NPSR1: variants seen among roughly 807,000 people sequenced by gnomAD.
NPSR1 encodes neuropeptide S receptor.
A neutral mutation model predicts 46.9 loss-of-function variants in NPSR1; 48 were observed. That is an observed-to-expected ratio of 1.02 (90% CI 0.81 to 1.30). NPSR1 has a LOEUF of 1.30. Ranked by LOEUF, NPSR1 falls within the 50% of genes most tolerant of loss-of-function variation. The probability of loss-of-function intolerance (pLI) is 0.00; values close to 1 mark genes in which losing one functional copy is unlikely to be tolerated. For missense variants in NPSR1, 450 were observed against 449.5 expected (o/e 1.00, Z -0.01); for synonymous variants, 176 against 168.1 (o/e 1.05, Z -0.36).
intron 2 of NPSR1, among the ~76,000 whole-genome samples, chr7:34,742,013 T>A (rs562740000): frequency 6.6e-6 from 1 of 152,358 alleles, no homozygotes; most frequent in Non-Finnish European, 1.5e-5. Flanking sequence ...GCAAAATCAA[T>A]TGCACCTTTT....
At chr7:34,864,790 A>G (rs974318979) in intron 8 of NPSR1, among the ~76,000 whole-genome samples, 2 of 151,894 alleles carry the variant, frequency 1.3e-5, no homozygotes, top group African/African-American at 4.9e-5. Flanking sequence ...AACAAATGTG[A>G]CTTGTGCCTA....
intron 3 of NPSR1, among the ~76,000 whole-genome samples, chr7:34,795,030 C>T (rs901242499): frequency 6.6e-6 from 1 of 151,912 alleles, no homozygotes; most frequent in Non-Finnish European, 1.5e-5. Flanking sequence ...CAGAGTGAGA[C>T]CCTATCTCTT....
At chr7:34,765,574 C>A (rs904852045) in intron 2 of NPSR1, among the ~76,000 whole-genome samples, 1 of 152,152 alleles carries the variant, frequency 6.6e-6, no homozygotes, top group African/African-American at 2.4e-5. Context: ...TGGGCATATA[C>A]CCAAACAGAA....
intron 2 of NPSR1, among the ~76,000 whole-genome samples, chr7:34,746,404 ATTG>A (rs1785204162): frequency 6.6e-6 from 1 of 152,186 alleles, no homozygotes; most frequent in Non-Finnish European, 1.5e-5. Context: ...TCAGTATATT[ATTG>A]TTGTTCATTT....
At chr7:34,782,915 G>C (rs1351596264) in intron 3 of NPSR1, among the ~76,000 whole-genome samples, 2 of 151,892 alleles carry the variant, frequency 1.3e-5, no homozygotes, top group Non-Finnish European at 2.9e-5. Context: ...CCAAAACAAA[G>C]AATTAAAGAG....
At chr7:34,732,079 C>CAAAA (rs535991989) in intron 2 of NPSR1, among the ~76,000 whole-genome samples, 1 of 93,892 alleles carries the variant, frequency 1.1e-5, no homozygotes, top group Non-Finnish European at 2.1e-5. Flanking sequence ...GACTTCATCT[C>CAAAA]AAAAAAAAAA....
chr7:34,760,498 CCA>C (rs1386299639), intron 2 of NPSR1, among the ~76,000 whole-genome samples: 1 of 152,156 alleles, frequency 6.6e-6, no homozygotes, highest in Non-Finnish European at 1.5e-5. Flanking sequence ...ATTCAAAATC[CCA>C]CAGTCGGGCT....
chr7:34,678,394 A>G (rs1274665397), intron 1 of NPSR1, among the ~76,000 whole-genome samples: 1 of 151,816 alleles, frequency 6.6e-6, no homozygotes, highest in Non-Finnish European at 1.5e-5. Context: ...GCTAATTGCA[A>G]TTTTTAAAGA....
intron 4 of NPSR1, among the ~76,000 whole-genome samples, chr7:34,821,008 C>G (rs1584094719): frequency 6.6e-6 from 1 of 151,908 alleles, no homozygotes; most frequent in African/African-American, 2.4e-5. Flanking sequence ...CCCATCATGG[C>G]TTGGAACAGC....
chr7:34,785,209 G>C (rs1324673006), intron 3 of NPSR1, among the ~76,000 whole-genome samples: 2 of 151,824 alleles, frequency 1.3e-5, no homozygotes, highest in Non-Finnish European at 2.9e-5. Context: ...CCATAAAAAA[G>C]GATGAGTTCA....
At position 34,658,277 on chromosome 7, in the gene NPSR1, A is replaced by G. The variant is rs1364545959; in HGVS notation, c.-136A>G. ...TCCCTGTCATCAGGCAGAGCTCTTCAGTGAGGTGGGCTCAGGGAGGGCTCT... is the reference window on the plus strand; with the variant it reads ...TCCCTGTCATCAGGCAGAGCTCTTCGGTGAGGTGGGCTCAGGGAGGGCTCT... On this transcript the variant is annotated 5_prime_UTR_variant, in exon 1 of 9. Coordinates refer to ENST00000360581, the MANE Select transcript of NPSR1 (RefSeq NM_207172.2). 6 of 865,812 alleles carry G rather than the reference A, an allele frequency of 6.9e-6. No individual in the cohort carries two copies. Among genetic ancestry groups the G allele is most frequent in the South Asian group, 3.4e-5 (2 of 58,760 alleles). The allele number at this position is 865,812 out of a possible 1,614,324, so 53.6% of individuals were successfully genotyped here. A position where few individuals can be genotyped will look rare whatever the true frequency, so the allele number is the denominator to read the frequency against.
At chr7:34,838,436 T>C (rs1308571970) in intron 6 of NPSR1, among the ~76,000 whole-genome samples, 1 of 152,232 alleles carries the variant, frequency 6.6e-6, no homozygotes, top group African/African-American at 2.4e-5. Flanking sequence ...GAAGCTTATA[T>C]GCTCTCTATA....
At position 34,745,471 on chromosome 7, in the gene NPSR1, T is replaced by C. The variant is rs543029895; in HGVS notation, c.281-32991T>C. Among the ~76,000 whole-genome samples the C allele has an allele frequency of 2.6e-5, 4 of 152,320 alleles. No individual in the cohort carries two copies. In the South Asian group the frequency reaches 8.3e-4, roughly 32 times the overall value. ...TATCTAGTCAATTAGAGAATTCCTC[T>C]TTCATCAAACTTGCAATTTTCTGCT... On this transcript the variant is annotated intron_variant, in intron 2 of 8. Transcript: ENST00000360581.
At chr7:34,803,694 G>A (rs1788544945) in intron 3 of NPSR1, among the ~76,000 whole-genome samples, 1 of 150,186 alleles carries the variant, frequency 6.7e-6, no homozygotes, top group Non-Finnish European at 1.5e-5. Context: ...TTGTGTACAT[G>A]TACCCTAAAA....
intron 2 of NPSR1, among the ~76,000 whole-genome samples, chr7:34,689,179 C>G (rs1353227838): frequency 6.6e-6 from 1 of 152,334 alleles, no homozygotes; most frequent in Admixed American, 6.5e-5. Flanking sequence ...TTTCACAGAT[C>G]AGCCCATTGC....
chr7:34,694,570 A>G (rs1445165544), intron 2 of NPSR1, among the ~76,000 whole-genome samples: 1 of 152,212 alleles, frequency 6.6e-6, no homozygotes, highest in African/African-American at 2.4e-5. Context: ...AAAATTTAAT[A>G]TCATTAAAAT....
chr7:34,812,478 C>T (rs1789034083), intron 4 of NPSR1, among the ~76,000 whole-genome samples: 1 of 152,144 alleles, frequency 6.6e-6, no homozygotes, highest in Non-Finnish European at 1.5e-5. Flanking sequence ...GGAGCACTTC[C>T]TGAACAGGCT....
chr7:34,757,148 C>T (rs324964), intron 2 of NPSR1, among the ~76,000 whole-genome samples: 1 of 151,962 alleles, frequency 6.6e-6, no homozygotes, highest in African/African-American at 2.4e-5. Flanking sequence ...ATTGCACTTA[C>T]AGTGAAAATT....
At chr7:34,710,942 A>G (rs909512789) in intron 2 of NPSR1, 12 of 372,306 alleles carry the variant, frequency 3.2e-5, no homozygotes, top group Non-Finnish European at 5.7e-5. Context: ...GAGTACAGGC[A>G]GATGGGACAG....
Sources: allele counts gnomAD v4.1 joint callset (sites outside exome capture counted in the v4.1 genomes callset), GRCh38; gene constraint gnomAD v4.1.1; transcripts MANE v1.5; gene names NCBI Gene and HGNC (gene_info 2026-07-23, HGNC 2026-07-21).